QSER1: variants seen among roughly 807,000 people sequenced by gnomAD.
QSER1 encodes the protein glutamine and serine rich 1.
QSER1 carries 49 observed loss-of-function variants against 158.5 expected under a neutral mutation model. The observed-to-expected ratio is 0.31, with a 90% confidence interval of 0.25 to 0.39. The LOEUF is 0.39. QSER1 is among the 10% of genes least tolerant of loss of function. The pLI, the probability that QSER1 is intolerant of heterozygous loss-of-function variation, is 1.00. For missense variants in QSER1, 1,754 were observed against 2,010.3 expected, an observed-to-expected ratio of 0.87 and a Z score of 2.44; for synonymous variants, 650 against 715.5, an observed-to-expected ratio of 0.91 and a Z score of 1.46.
At chr11:32,946,793 G>A (rs1274804904) in intron 4 of QSER1, among the ~76,000 whole-genome samples, 1 of 152,136 alleles carries the variant, frequency 6.6e-6, no homozygotes, top group African/African-American at 2.4e-5. Context: ...GTTTACCTAA[G>A]CAAGCCTGGG....
chr11:32,975,158 C>T, intron 11 of QSER1, 90 bp from the exon 12 acceptor site: 1 of 820,524 alleles, frequency 1.2e-6, no homozygotes. Context: ...TCAACATTGC[C>T]ATTGAGACTT....
chr11:32,911,914 G>A (rs1169358523), intron 1 of QSER1, among the ~76,000 whole-genome samples: 1 of 152,204 alleles, frequency 6.6e-6, no homozygotes, highest in Admixed American at 6.5e-5. Flanking sequence ...AGAGGGAAGA[G>A]TGGTACTTCA....
intron 1 of QSER1, among the ~76,000 whole-genome samples, chr11:32,913,780 C>T (rs1376657843): frequency 6.6e-6 from 1 of 152,130 alleles, no homozygotes; most frequent in Non-Finnish European, 1.5e-5. Flanking sequence ...GTTACTATTA[C>T]CCATATTTTA....
chr11:32,934,835 C>A lies in QSER1; in HGVS notation c.3577C>A (p.Gln1193Lys). ...CAGTGTCAAGATTGAAGAAGAAAAC[C>A]AAGATTTAATGCATTTTAACCTTCA... ...AVSVKIEEEN[Q>K]DLMHFNLQKK... The change falls in exon 4 of 13, where the codon CAA becomes AAA. Residue 1193 changes from glutamine (Q) to lysine (K), a missense_variant. Coordinates refer to ENST00000650167, the MANE Select transcript of QSER1 (RefSeq NM_001076786.3). The A allele has an allele frequency of 6.2e-7, 1 of 1,613,948 alleles. No homozygotes were observed. Among genetic ancestry groups the A allele is most frequent in the East Asian group, 2.2e-5 (1 of 44,884 alleles).
chr11:32,975,651 T>C (rs957877600), intron 12 of QSER1: 75 of 1,190,514 alleles, frequency 6.3e-5, no homozygotes, highest in Non-Finnish European at 7.7e-5. Flanking sequence ...TCACAGTGTA[T>C]GATGATCTTG....
In QSER1 at chr11:32,934,785, C is replaced by T; in HGVS notation, c.3527C>T (p.Ala1176Val). ...GCTAGGAGTGCACTTGCACTGTTGG[C>T]CATGGCCCAATCTGGGGATGCAGTC... ...NPARSALALL[A>V]MAQSGDAVSV... The change falls in exon 4 of 13, where the codon GCC becomes GTC. Residue 1176 changes from alanine to valine, a missense_variant. This residue lies in a region of QSER1 where 1,707 missense variants were observed against 1,919.6 expected (regional missense o/e 0.89). Coordinates refer to ENST00000650167, the MANE Select transcript of QSER1 (RefSeq NM_001076786.3). 1 of 1,613,956 alleles carries T rather than the reference C, an allele frequency of 6.2e-7. No homozygotes were observed. The highest frequency in any genetic ancestry group is 8.5e-7 in the Non-Finnish European group (1 of 1,179,982).
intron 2 of QSER1, among the ~76,000 whole-genome samples, 165 bp downstream of exon 2, chr11:32,927,434 GTC>G (rs1851987052): frequency 6.6e-6 from 1 of 152,228 alleles, no homozygotes; most frequent in South Asian, 2.1e-4. Flanking sequence ...TTGACATGGA[GTC>G]TCGCTCTGTC....
At chr11:32,898,482 T>TCTCACACA (rs923127515) in intron 1 of QSER1, among the ~76,000 whole-genome samples, 2 of 143,052 alleles carry the variant, frequency 1.4e-5, no homozygotes, top group South Asian at 2.4e-4. Flanking sequence ...TGAGAACCTG[T>TCTCACACA]CACACACACA....
intron 4 of QSER1, among the ~76,000 whole-genome samples, chr11:32,944,268 C>T (rs1488109223): frequency 2.8e-5 from 4 of 145,132 alleles, no homozygotes; most frequent in Non-Finnish European, 4.6e-5. Flanking sequence ...TATTTCTTGC[C>T]TTCTGCTAGC....
At chr11:32,954,535 A>G (rs1300612067) in intron 5 of QSER1, among the ~76,000 whole-genome samples, 1 of 152,246 alleles carries the variant, frequency 6.6e-6, no homozygotes. Flanking sequence ...ACAGAGAACT[A>G]TCATGTAAAA....
chr11:32,968,647 G>A (rs1852793255), intron 9 of QSER1, among the ~76,000 whole-genome samples: 1 of 152,120 alleles, frequency 6.6e-6, no homozygotes, highest in Non-Finnish European at 1.5e-5. Flanking sequence ...TTTGTATTTT[G>A]TAATTGTTCA....
intron 1 of QSER1, among the ~76,000 whole-genome samples, chr11:32,918,763 C>T (rs1009733600): frequency 6.6e-6 from 1 of 152,010 alleles, no homozygotes; most frequent in Non-Finnish European, 1.5e-5. Flanking sequence ...TTGGAGTTAG[C>T]AAAGATTTAT....
chr11:32,899,901 T>C (rs2133488550), intron 1 of QSER1, among the ~76,000 whole-genome samples: 1 of 152,334 alleles, frequency 6.6e-6, no homozygotes, highest in East Asian at 1.9e-4. Context: ...GAATATTGAA[T>C]AGGTATTTCC....
chr11:32,971,722 C>T (rs1001572737), intron 10 of QSER1, among the ~76,000 whole-genome samples: 4 of 152,094 alleles, frequency 2.6e-5, no homozygotes, highest in African/African-American at 9.7e-5. Flanking sequence ...ATTTAGTGCC[C>T]TTCTACACTT....
At chr11:32,914,796 C>A (rs1470012531) in intron 1 of QSER1, among the ~76,000 whole-genome samples, 1 of 152,162 alleles carries the variant, frequency 6.6e-6, no homozygotes, top group African/African-American at 2.4e-5. Context: ...TTTGCCTCAG[C>A]TATATCTGCT....
At chr11:32,926,735 G>A (rs1235060143) in intron 1 of QSER1, 1 of 152,136 alleles carries the variant, frequency 6.6e-6, no homozygotes, top group East Asian at 1.9e-4. Context: ...TAATTAGAGA[G>A]GTTATGGAGG....
At chr11:32,973,347 TTA>T in intron 10 of QSER1, 48 bp from the exon 11 acceptor site, 1 of 1,594,808 alleles carries the variant, frequency 6.3e-7, no homozygotes, top group Admixed American at 1.7e-5. Context: ...TAGAAGTAGT[TTA>T]GGTTAGTTTT....
At chr11:32,906,337 G>A (rs1851692549) in intron 1 of QSER1, among the ~76,000 whole-genome samples, 1 of 152,008 alleles carries the variant, frequency 6.6e-6, no homozygotes, top group South Asian at 2.1e-4. Flanking sequence ...CAGGAGAATC[G>A]CTTGAACCTA....
intron 1 of QSER1, among the ~76,000 whole-genome samples, chr11:32,916,150 C>G (rs1173806816): frequency 6.6e-6 from 1 of 152,194 alleles, no homozygotes; most frequent in Non-Finnish European, 1.5e-5. Context: ...ATCCGCCTGC[C>G]TCGGCCTCCC....
Sources: allele counts gnomAD v4.1 joint callset (sites outside exome capture counted in the v4.1 genomes callset), GRCh38; gene constraint gnomAD v4.1.1; regional missense constraint gnomAD v4.1.1; transcripts MANE v1.5; gene names NCBI Gene and HGNC (gene_info 2026-07-23, HGNC 2026-07-21).